The following ZNF101 variants were observed in gnomAD, a reference collection of about 807,000 sequenced individuals.
ZNF101 encodes zinc finger protein 101 (Y2).
Under a neutral mutation model 42.6 loss-of-function variants are expected in ZNF101, and 34 were observed. The ratio of observed to expected loss-of-function variants is 0.80; its 90% CI spans 0.61 to 1.06. ZNF101 has a LOEUF of 1.06. Ranked by LOEUF, ZNF101 falls within the 50% of genes least tolerant of loss-of-function variation. The pLI, the probability that ZNF101 is intolerant of heterozygous loss-of-function variation, is 0.00. For synonymous variants in ZNF101, 158 were observed against 183.9 expected (o/e 0.86, Z 1.14); for missense variants, 466 against 530.9 (o/e 0.88, Z 1.20).
In ZNF101 at chr19:19,681,878, TTATAAA is replaced by T. The variant is rs935426237; in HGVS notation, c.*1583_*1588del. On this transcript the variant is annotated 3_prime_UTR_variant, in exon 4 of 4. Coordinates refer to ENST00000592502, the MANE Select transcript of ZNF101 (RefSeq NM_033204.4). Reference sequence around the variant, plus strand: ...ATCATGAATGAGTTATTACACAAAGTTATAAATATATAGCATTTATCAGTGGCTCAT... The same window carrying T: ...ATCATGAATGAGTTATTACACAAAGTTATATAGCATTTATCAGTGGCTCAT... 11 of 152,206 alleles carry T rather than the reference TTATAAA, an allele frequency of 7.2e-5. No homozygotes were observed. Among genetic ancestry groups the T allele is most frequent in the East Asian group, 1.9e-4 (1 of 5,192 alleles). The allele number at this position is 152,206 out of a possible 1,614,324, so 9.4% of individuals were successfully genotyped here.
chr19:19,671,661 G>A (rs1278725911), intron 1 of ZNF101, among the ~76,000 whole-genome samples: 2 of 151,932 alleles, frequency 1.3e-5, no homozygotes, highest in Non-Finnish European at 1.5e-5. Flanking sequence ...CATTACGCCC[G>A]GCTAATTTTT....
chr19:19,681,328 GCT>G lies in ZNF101; in HGVS notation c.*1032_*1033del. 1 of 152,244 alleles carries G rather than the reference GCT, an allele frequency of 6.6e-6. No individual in the cohort carries two copies. The highest frequency in any genetic ancestry group is 6.5e-5 in the Admixed American group (1 of 15,272). The allele number at this position is 152,244 out of a possible 1,614,324, so 9.4% of individuals were successfully genotyped here. The stretch of plus-strand genomic sequence containing the variant: ...TACAGAATATGGGGAAACTCTCATT[GCT>G]CTCATCTCCATTCAAAGACACGTGT... On this transcript the variant is annotated 3_prime_UTR_variant, in exon 4 of 4. Coordinates refer to ENST00000592502, the MANE Select transcript of ZNF101 (RefSeq NM_033204.4).
rs143536186 is a variant in ZNF101, at chr19:19,679,336, T to C, written c.347T>C (p.Phe116Ser). The C allele has an allele frequency of 6.2e-4, 1,003 of 1,614,096 alleles. 6 individuals are homozygous for C. In the Admixed American group the frequency reaches 7.0e-3, roughly 11 times the overall value. ...VCGKVFLRHS[F>S]LDRHMRAHAG... ...GGGAAAGTCTTCCTCCGTCATTCAT[T>C]CCTGGACAGGCACATGAGAGCTCAT... is the stretch of plus-strand genomic sequence containing the variant. Residue 116 changes from phenylalanine (F) to serine (S), a missense_variant, in exon 4 of 4, where the codon TTC (phenylalanine) becomes TCC (serine). By Grantham distance (155) the Phe-to-Ser change is radical. Coordinates refer to ENST00000592502, the MANE Select transcript of ZNF101 (RefSeq NM_033204.4).
At chr19:19,678,170 T>C (rs577553483) in intron 2 of ZNF101, among the ~76,000 whole-genome samples, 180 bp downstream of exon 2, 2 of 151,270 alleles carry the variant, frequency 1.3e-5, no homozygotes, top group East Asian at 1.9e-4. Context: ...GGTGGGAAGA[T>C]TGCTTGCGTC....
Position 19,680,687 on chromosome 19 carries a change from C to CTTTGG in ZNF101, c.*387_*388insTTTGG, listed in dbSNP as rs2062235264. Reference sequence around the variant, plus strand: ...CTGTAAAACCAGCACTTTGGGAAGCCGAGGTGGGTGGATCACGAGGTCCAG... The same window carrying CTTTGG: ...CTGTAAAACCAGCACTTTGGGAAGCCTTTGGGAGGTGGGTGGATCACGAGGTCCAG... On this transcript the variant is annotated 3_prime_UTR_variant, in exon 4 of 4. Coordinates refer to ENST00000592502, the MANE Select transcript of ZNF101 (RefSeq NM_033204.4). The CTTTGG allele has an allele frequency of 6.6e-6, 1 of 152,286 alleles. No individual in the cohort carries two copies. Among genetic ancestry groups the CTTTGG allele is most frequent in the Non-Finnish European group, 1.4e-5 (1 of 69,046 alleles). The allele number at this position is 152,286 out of a possible 1,614,324, so 9.4% of individuals were successfully genotyped here. A position where few individuals can be genotyped will look rare whatever the true frequency, so the allele number is the denominator to read the frequency against.
chr19:19,668,567 G>C (rs1394083162), upstream of ZNF101, among the ~76,000 whole-genome samples: 2 of 152,088 alleles, frequency 1.3e-5, no homozygotes, highest in Non-Finnish European at 2.9e-5. Flanking sequence ...AGTCTGGTTG[G>C]GTTGACCCTA....
At chr19:19,672,501 C>G (rs1308304159) in intron 1 of ZNF101, 1 of 151,608 alleles carries the variant, frequency 6.6e-6, no homozygotes, top group East Asian at 2.0e-4. Flanking sequence ...AGGCGTGAAC[C>G]ATCACATTCA....
chr19:19,679,440 A>G lies in ZNF101; in HGVS notation c.451A>G (p.Ile151Val). The change falls in exon 4 of 4, where the codon ATT becomes GTT. Residue 151 changes from isoleucine (I) to valine (V), a missense_variant. Ile to Val is a conservative substitution (Grantham distance 29). Coordinates refer to ENST00000592502, the MANE Select transcript of ZNF101 (RefSeq NM_033204.4). ...RKQKQHGKAS[I>V]SPSSGARRTV... ...ACAGAAACAACATGGGAAAGCCTCC[A>G]TTTCCCCCAGTAGTGGTGCACGGCG... 3.1e-6 allele frequency: 5 copies of G among 1,614,052 alleles called. No homozygotes were observed. Among genetic ancestry groups the G allele is most frequent in the Non-Finnish European group, 4.2e-6 (5 of 1,179,974 alleles).
chr19:19,679,795 G>A lies in ZNF101; in HGVS notation c.806G>A (p.Arg269Gln), dbSNP rs774295128. ...GKAFISAGYL[R>Q]THEIRSHALE... is the part of the protein sequence containing the mutation. ...GCCTTCATTTCCGCAGGTTACCTTC[G>A]GACACATGAAATCAGATCTCACGCG... Residue 269 changes from arginine (R) to glutamine (Q), a missense_variant, in exon 4 of 4, where the codon CGG (arginine) becomes CAG (glutamine). Arg to Gln is a conservative substitution (Grantham distance 43). Coordinates refer to ENST00000592502, the MANE Select transcript of ZNF101 (RefSeq NM_033204.4). The A allele has an allele frequency of 2.5e-5, 40 of 1,613,536 alleles. No individual in the cohort carries two copies. Among genetic ancestry groups the A allele is most frequent in the Middle Eastern group, 1.7e-4 (1 of 6,058 alleles).
chr19:19,681,982 G>T lies in ZNF101; in HGVS notation c.*1682G>T, dbSNP rs1261525640. On this transcript the variant is annotated 3_prime_UTR_variant, in exon 4 of 4. Coordinates refer to ENST00000592502, the MANE Select transcript of ZNF101 (RefSeq NM_033204.4). ...CTGTCGCCCAGGCTGGAGTGCAGTG[G>T]CACAATCTCGGCTCACTGCAACCTC... 6.7e-6 allele frequency: 1 copy of T among 148,350 alleles called. No individual in the cohort carries two copies. The highest frequency in any genetic ancestry group is 1.5e-5 in the Non-Finnish European group (1 of 67,320). The allele number at this position is 148,350 out of a possible 1,614,324, so 9.2% of individuals were successfully genotyped here.
intron 1 of ZNF101, among the ~76,000 whole-genome samples, chr19:19,673,530 GA>G (rs1250932881): frequency 6.6e-6 from 1 of 151,944 alleles, no homozygotes; most frequent in Non-Finnish European, 1.5e-5. Context: ...TTGCAGGCAT[GA>G]GCCACCGCAC....
chr19:19,679,366 G>T lies in ZNF101; in HGVS notation c.377G>T (p.Gly126Val). 6.2e-7 allele frequency: 1 copy of T among 1,614,124 alleles called. No individual in the cohort carries two copies. Among genetic ancestry groups the T allele is most frequent in the Non-Finnish European group, 8.5e-7 (1 of 1,180,028 alleles). ...FLDRHMRAHA[G>V]HKRSECGGEW... ...GACAGGCACATGAGAGCTCATGCTG[G>T]ACACAAACGATCTGAGTGTGGTGGG... Residue 126 changes from glycine to valine, a missense_variant, in exon 4 of 4, where the codon GGA becomes GTA. Coordinates refer to ENST00000592502, the MANE Select transcript of ZNF101 (RefSeq NM_033204.4).
rs937515984 is a variant in ZNF101 at position 19,668,872 on chromosome 19, C to T, written c.-92C>T. On this transcript the variant is annotated 5_prime_UTR_variant, in exon 1 of 4. Coordinates refer to ENST00000592502, the MANE Select transcript of ZNF101 (RefSeq NM_033204.4). ...CCGGGTTTTAGTTCCTCGGGGAGCC[C>T]CTGGTGCCCCGGATACGGCTGATTT... 2.9e-5 allele frequency: 43 copies of T among 1,464,870 alleles called. No individual in the cohort carries two copies. In the African/African-American group the frequency reaches 4.6e-4, roughly 16 times the overall value. 90.7% of individuals were successfully genotyped at this position (1,464,870 alleles called of 1,614,324 possible).
In ZNF101 at chr19:19,681,091, G is replaced by A. The variant is rs1041344800; in HGVS notation, c.*791G>A. ...AGATCGTGCCACTACACTCCAGCCT[G>A]GATGACGGTGACACTCTGTCTCAGA... On this transcript the variant is annotated 3_prime_UTR_variant, in exon 4 of 4. Coordinates refer to ENST00000592502, the MANE Select transcript of ZNF101 (RefSeq NM_033204.4). The A allele has an allele frequency of 6.6e-6, 1 of 152,200 alleles. No individual in the cohort carries two copies. Among genetic ancestry groups the A allele is most frequent in the Non-Finnish European group, 1.5e-5 (1 of 68,090 alleles). 9.4% of individuals were successfully genotyped at this position (152,200 alleles called of 1,614,324 possible).
Position 19,668,988 on chromosome 19 carries a change from T to G in ZNF101, c.3+22T>G, listed in dbSNP as rs566548324. 4.4e-6 allele frequency: 7 copies of G among 1,581,048 alleles called. No individual in the cohort carries two copies. In the South Asian group the frequency reaches 5.8e-5, roughly 13 times the overall value. ...AATGGTGAGCGTGCGGAGCCGGGCG[T>G]CCGGAGACCTGAGGAGGAGCTGGTC... On this transcript the variant is annotated intron_variant, in intron 1 of 3. Transcript: ENST00000592502.
intron 1 of ZNF101, among the ~76,000 whole-genome samples, chr19:19,674,428 G>A (rs534943872): frequency 3.3e-5 from 5 of 151,606 alleles, no homozygotes; most frequent in African/African-American, 1.2e-4. Flanking sequence ...TACTCGCCTC[G>A]ACCTCCCGAA....
At position 19,680,371 on chromosome 19, in the gene ZNF101, C is replaced by G. The variant is rs1159797300; in HGVS notation, c.*71C>G. On this transcript the variant is annotated 3_prime_UTR_variant, in exon 4 of 4. Transcript: ENST00000592502. ...GTGGCTCACGCTTGTAATCCCAGCA[C>G]TTTGGGAGGCTGAGGCGGGTGGATC... 2.4e-6 allele frequency: 2 copies of G among 839,298 alleles called. No homozygotes were observed. The highest frequency in any genetic ancestry group is 3.4e-5 in the African/African-American group (2 of 58,016). 52.0% of individuals were successfully genotyped at this position (839,298 alleles called of 1,614,324 possible).
rs575446126 is a variant in ZNF101 at position 19,682,222 on chromosome 19, C to CTT, written c.*1933_*1934dup. ...ACAGGTGTGAGCCACCGCGCCTGGC[C>CTT]TTTTTTTTTTTTCCCGAGACACAGT... On this transcript the variant is annotated 3_prime_UTR_variant, in exon 4 of 4. Transcript: ENST00000592502. The CTT allele has an allele frequency of 2.2e-5, 3 of 138,584 alleles. No individual in the cohort carries two copies. Among genetic ancestry groups the CTT allele is most frequent in the Non-Finnish European group, 3.1e-5 (2 of 63,598 alleles). 8.6% of individuals were successfully genotyped at this position (138,584 alleles called of 1,614,324 possible). A position where few individuals can be genotyped will look rare whatever the true frequency, so the allele number is the denominator to read the frequency against.
intron 1 of ZNF101, among the ~76,000 whole-genome samples, chr19:19,672,764 C>T (rs1434938647): frequency 6.6e-6 from 1 of 151,852 alleles, no homozygotes; most frequent in Non-Finnish European, 1.5e-5. Flanking sequence ...TGAGCTCAGG[C>T]AATCCTCCCA....
Sources: gnomAD v4.1 joint callset for allele counts (sites outside exome capture counted in the v4.1 genomes callset) on GRCh38, gnomAD v4.1.1 for gene constraint, MANE v1.5 for transcripts, NCBI Gene and HGNC (gene_info 2026-07-23, HGNC 2026-07-21) for gene names.